ADGRA1: variants seen among roughly 807,000 people sequenced by gnomAD.
The protein encoded by ADGRA1 is adhesion G protein-coupled receptor A1, also known as G-protein coupled receptor 123.
Under a neutral mutation model 21.3 loss-of-function variants are expected in ADGRA1, and 12 were observed. That is an observed-to-expected ratio of 0.56 (90% CI 0.36 to 0.91). The LOEUF is 0.91. Among genes scored for constraint, ADGRA1 ranks in the 40% least tolerant of loss-of-function variants. The pLI is 0.01. For missense variants in ADGRA1, 790 were observed against 805.6 expected, an observed-to-expected ratio of 0.98 and a Z score of 0.23; for synonymous variants, 385 against 368.8, an observed-to-expected ratio of 1.04 and a Z score of -0.50.
intron 2 of ADGRA1, chr10:133,095,768 C>A: frequency 1.9e-6 from 3 of 1,598,576 alleles, no homozygotes; most frequent in Non-Finnish European, 2.5e-6. Flanking sequence ...TGGCTGCCTG[C>A]ATCCCGACAC....
At chr10:133,094,200 G>A (rs550311008) in intron 2 of ADGRA1, among the ~76,000 whole-genome samples, 13 of 152,346 alleles carry the variant, frequency 8.5e-5, no homozygotes, top group Non-Finnish European at 1.6e-4. Context: ...GAGCTTGGGC[G>A]GCCTCCTCCC....
In ADGRA1 at chr10:133,098,632, T is replaced by C; in HGVS notation, c.132-8T>C. The C allele has an allele frequency of 3.1e-6, 5 of 1,605,976 alleles. No individual in the cohort carries two copies. The highest frequency in any genetic ancestry group is 3.4e-6 in the Non-Finnish European group (4 of 1,178,844). ...GCTCATGTGAAACCCTCCTTTCCCG[T>C]CCCACAGCGCCATCCGCATCAGCCG... On this transcript the variant is annotated splice_region_variant and splice_polypyrimidine_tract_variant and intron_variant, in intron 3 of 6. Transcript: ENST00000392607.
chr10:133,116,874 G>A (rs556517278), intron 5 of ADGRA1, among the ~76,000 whole-genome samples: 5 of 152,292 alleles, frequency 3.3e-5, no homozygotes, highest in African/African-American at 1.2e-4. Context: ...AAGCGAATGA[G>A]GAACGCCAGG....
rs545003842 is a variant in ADGRA1 at position 133,093,761 on chromosome 10, C to T, written c.4-3213C>T. Among the ~76,000 whole-genome samples, 16 of 152,376 alleles carry T rather than the reference C, an allele frequency of 1.1e-4. No homozygotes were observed. The South Asian group carries it at 3.3e-3, about 32-fold the overall frequency. On this transcript the variant is annotated intron_variant, in intron 2 of 6. Coordinates refer to ENST00000392607, the MANE Select transcript of ADGRA1 (RefSeq NM_001083909.3). ...GAGGGTCCAGGAACTCTGCTTCTGA[C>T]TTGCTGGCTCACCCCTGTCAGCCAG...
At chr10:133,127,911 A>G (rs1219836197) in intron 6 of ADGRA1, among the ~76,000 whole-genome samples, 1 of 89,934 alleles carries the variant, frequency 1.1e-5, no homozygotes, top group South Asian at 4.5e-4. Flanking sequence ...GGCCACGCCC[A>G]CCAGGCTCCA....
At chr10:133,102,547 G>A (rs1591172448) in intron 4 of ADGRA1, 150 bp from the exon 5 acceptor site, 10 of 868,038 alleles carry the variant, frequency 1.2e-5, no homozygotes, top group Non-Finnish European at 1.8e-5. Flanking sequence ...GTTCTGGGCG[G>A]CTGTGGGGCG....
At chr10:133,115,042 C>T (rs1852130897) in intron 5 of ADGRA1, among the ~76,000 whole-genome samples, 1 of 152,206 alleles carries the variant, frequency 6.6e-6, no homozygotes, top group Non-Finnish European at 1.5e-5. Context: ...GGCAGCGCCA[C>T]TGTCCTGGGG....
intron 5 of ADGRA1, 82 bp from the exon 6 acceptor site, chr10:133,127,151 C>T (rs531708271): frequency 3.5e-6 from 3 of 859,928 alleles, no homozygotes; most frequent in Non-Finnish European, 5.1e-6. Flanking sequence ...TCCCTTGCCC[C>T]GCGGAGTGGG....
Position 133,128,367 on chromosome 10 carries a change from A to G in ADGRA1, c.539A>G (p.Tyr180Cys), listed in dbSNP as rs145500903. 3.0e-4 allele frequency: 468 copies of G among 1,574,696 alleles called. 1 individual carries two copies. The highest frequency in any genetic ancestry group is 3.3e-4 in the Non-Finnish European group (379 of 1,162,708). The change falls in exon 7 of 7, where the codon TAC (tyrosine) becomes TGC (cysteine). Residue 180 changes from tyrosine (Y) to cysteine (C), a missense_variant. Around this residue, in one of 3 missense-constraint regions of ADGRA1, gnomAD observed 382 missense variants for 415.6 expected, o/e 0.92. Transcript: ENST00000392607. ...TGGGAGCCCAGCCTGGGCGCCTTCT[A>G]CGGCCCAGCCGCCATCATCACCCTG... ...MAWEPSLGAF[Y>C]GPAAIITLVT...
chr10:133,093,414 A>T (rs1329855386), intron 2 of ADGRA1, among the ~76,000 whole-genome samples: 1 of 152,238 alleles, frequency 6.6e-6, no homozygotes, highest in Admixed American at 6.5e-5. Flanking sequence ...ACAGAGGAGG[A>T]AGTTATGACT....
At chr10:133,114,547 C>A (rs958549494) in intron 5 of ADGRA1, among the ~76,000 whole-genome samples, 2 of 152,190 alleles carry the variant, frequency 1.3e-5, no homozygotes, top group Non-Finnish European at 2.9e-5. Context: ...CCTCCCGACA[C>A]CCGCGGCGTC....
chr10:133,110,587 CTA>C (rs1193411305), intron 5 of ADGRA1, among the ~76,000 whole-genome samples: 2 of 152,180 alleles, frequency 1.3e-5, no homozygotes, highest in African/African-American at 4.8e-5. Flanking sequence ...CCATTTCTAA[CTA>C]TATGAGTGAG....
At chr10:133,100,925 C>T (rs1851780921) in intron 4 of ADGRA1, among the ~76,000 whole-genome samples, 3 of 152,202 alleles carry the variant, frequency 2.0e-5, no homozygotes, top group Admixed American at 6.5e-5. Flanking sequence ...AGGCAGGGGC[C>T]GCAGTGGCTG....
At chr10:133,088,243 C>G (rs1207128410) in intron 1 of ADGRA1, 105 bp downstream of exon 1, 1 of 420,042 alleles carries the variant, frequency 2.4e-6, no homozygotes. Context: ...GAAAGCAGCT[C>G]CGAGTAACTT....
In ADGRA1 at chr10:133,101,497, C is replaced by G. The variant is rs11101927; in HGVS notation, c.256-1200C>G. Among the ~76,000 whole-genome samples the G allele has an allele frequency of 9.3e-3, 1,419 of 152,352 alleles. 16 individuals carry two copies. Among genetic ancestry groups the G allele is most frequent in the Non-Finnish European group, 0.011 (717 of 68,030 alleles). ...TCCAGCCTGAAGTCGGTGTCCAGGACTCAGAGCTCTGCCACGTACACCTTC... is the reference window on the plus strand; with the variant it reads ...TCCAGCCTGAAGTCGGTGTCCAGGAGTCAGAGCTCTGCCACGTACACCTTC... On this transcript the variant is annotated intron_variant, in intron 4 of 6. Transcript: ENST00000392607.
rs544257504 is a variant in ADGRA1, at chr10:133,112,455, G to A, written c.401+9613G>A. Among the ~76,000 whole-genome samples, 666 of 148,692 alleles carry A rather than the reference G, an allele frequency of 4.5e-3. 2 individuals are homozygous for A. The highest frequency in any genetic ancestry group is 0.012 in the African/African-American group (487 of 39,652). ...CGGTTATTTGGGGTCTACGGGCCACGTCAGTTATTTGGGGTCTGCGGGCCG... is the reference window on the plus strand; with the variant it reads ...CGGTTATTTGGGGTCTACGGGCCACATCAGTTATTTGGGGTCTGCGGGCCG... On this transcript the variant is annotated intron_variant, in intron 5 of 6. Coordinates refer to ENST00000392607, the MANE Select transcript of ADGRA1 (RefSeq NM_001083909.3).
chr10:133,113,299 A>G (rs1269427438), intron 5 of ADGRA1, among the ~76,000 whole-genome samples: 1 of 151,336 alleles, frequency 6.6e-6, no homozygotes, highest in Non-Finnish European at 1.5e-5. Flanking sequence ...TGGAAGTCCA[A>G]TGGCACCGCG....
rs1564850077 is a variant in ADGRA1, at chr10:133,112,399, G to GTA, written c.401+9557_401+9558insTA. Among the ~76,000 whole-genome samples, 209 of 117,596 alleles carry GTA rather than the reference G, an allele frequency of 1.8e-3. 1 individual carries two copies. Among genetic ancestry groups the GTA allele is most frequent in the African/African-American group, 7.6e-3 (202 of 26,474 alleles). The allele number at this position is 117,596 out of a possible 152,430, so 77.1% of individuals were successfully genotyped here. On this transcript the variant is annotated intron_variant, in intron 5 of 6. Coordinates refer to ENST00000392607, the MANE Select transcript of ADGRA1 (RefSeq NM_001083909.3). ...GTCGGTTATTTGGGGTCTACGGGCC[G>GTA]CGTCCGTTATTTGGGGTCTGCGGGC...
intron 3 of ADGRA1, among the ~76,000 whole-genome samples, chr10:133,098,189 C>A (rs898196738): frequency 6.6e-6 from 1 of 152,130 alleles, no homozygotes; most frequent in African/African-American, 2.4e-5. Context: ...AGGGCATGGC[C>A]GGCTCAGCCC....
Sources: allele counts gnomAD v4.1 joint callset (sites outside exome capture counted in the v4.1 genomes callset), GRCh38; gene constraint gnomAD v4.1.1; regional missense constraint gnomAD v4.1.1; transcripts MANE v1.5; gene names NCBI Gene and HGNC (gene_info 2026-07-23, HGNC 2026-07-21).